WDR47: variants seen among roughly 807,000 people sequenced by gnomAD.
WDR47 encodes WD repeat-containing protein 47.
A neutral mutation model predicts 97.2 loss-of-function variants in WDR47; 32 were observed. That is an observed-to-expected ratio of 0.33 (90% CI 0.25 to 0.44). WDR47 has a LOEUF of 0.44. WDR47 is among the 20% of genes least tolerant of loss of function. WDR47 has a pLI of 1.00. For missense variants in WDR47, 782 were observed against 1,102.3 expected, an observed-to-expected ratio of 0.71 and a Z score of 4.11; for synonymous variants, 375 against 373.5, an observed-to-expected ratio of 1.00 and a Z score of -0.05.
At chr1:109,038,743 G>A (rs974400644) in intron 1 of WDR47, among the ~76,000 whole-genome samples, 10 of 152,108 alleles carry the variant, frequency 6.6e-5, no homozygotes, top group Admixed American at 1.3e-4. Context: ...TTGGGAGGCC[G>A]AACTGGGTGG....
intron 1 of WDR47, among the ~76,000 whole-genome samples, chr1:109,037,857 C>A (rs1293131185): frequency 6.6e-6 from 1 of 151,602 alleles, no homozygotes; most frequent in South Asian, 2.1e-4. Flanking sequence ...TTTTTTCTAT[C>A]TTTCTTTCTT....
chr1:109,025,924 C>T (rs1403195127), intron 1 of WDR47, among the ~76,000 whole-genome samples: 1 of 152,154 alleles, frequency 6.6e-6, no homozygotes, highest in African/African-American at 2.4e-5. Flanking sequence ...AACACACCAG[C>T]TACCCAACTC....
At chr1:108,983,711 C>T (rs1366670289) in intron 10 of WDR47, among the ~76,000 whole-genome samples, 3 of 151,560 alleles carry the variant, frequency 2.0e-5, no homozygotes, top group East Asian at 1.9e-4. Context: ...AAAAAATCTC[C>T]GTTTCTCATA....
chr1:109,002,429 A>G, intron 6 of WDR47, 27 bp from the exon 7 acceptor site: 1 of 1,506,886 alleles, frequency 6.6e-7, no homozygotes, highest in Non-Finnish European at 8.9e-7. Flanking sequence ...AAAAACATAT[A>G]TATTTGAGCA....
intron 4 of WDR47, among the ~76,000 whole-genome samples, chr1:109,012,554 C>G (rs1355533828): frequency 1.1e-5 from 1 of 88,816 alleles, no homozygotes; most frequent in Non-Finnish European, 2.0e-5. Flanking sequence ...GCCTGGGTGA[C>G]AGTGTGAGAC....
chr1:109,009,975 G>A lies in WDR47; in HGVS notation c.1130+941C>T, dbSNP rs376783326. ...ACCGTGCCACTGCACTCCAGCCTGA[G>A]TGACAAAAGCAAAACTCCATCTCAA... On this transcript the variant is annotated intron_variant, in intron 5 of 14. Coordinates refer to ENST00000369962, the MANE Select transcript of WDR47 (RefSeq NM_001142551.2). 5.3e-5 allele frequency among the ~76,000 whole-genome samples: 8 copies of A among 151,580 alleles called. No homozygotes were observed. In the East Asian group the frequency reaches 1.4e-3, roughly 26 times the overall value.
chr1:109,020,450 C>CG (rs1284263056), intron 2 of WDR47, among the ~76,000 whole-genome samples: 2 of 151,724 alleles, frequency 1.3e-5, no homozygotes, highest in African/African-American at 2.4e-5. Context: ...TTAGTAGAGA[C>CG]GGGGGGTTTC....
At chr1:108,991,729 CTA>C (rs1659362217) in intron 8 of WDR47, among the ~76,000 whole-genome samples, 1 of 152,122 alleles carries the variant, frequency 6.6e-6, no homozygotes, top group South Asian at 2.1e-4. Flanking sequence ...CTTAGTAAAA[CTA>C]TGTTTCCTCT....
In WDR47 at chr1:108,983,266, C is replaced by A; in HGVS notation, c.2095+16G>T. On this transcript the variant is annotated intron_variant, in intron 11 of 14. Coordinates refer to ENST00000369962, the MANE Select transcript of WDR47 (RefSeq NM_001142551.2). Reference sequence around the variant, plus strand: ...ACACTGGTAAGCTAGCTACTGCTTACATACTTGGGCCCTACCTGTTGCGTT... The same window carrying A: ...ACACTGGTAAGCTAGCTACTGCTTAAATACTTGGGCCCTACCTGTTGCGTT... 6.3e-7 allele frequency: 1 copy of A among 1,592,554 alleles called. No individual in the cohort carries two copies. The highest frequency in any genetic ancestry group is 8.5e-7 in the Non-Finnish European group (1 of 1,169,708).
Position 109,033,122 on chromosome 1 carries a change from C to T in WDR47, c.-10+8740G>A, listed in dbSNP as rs980818202. On this transcript the variant is annotated intron_variant, in intron 1 of 14. Coordinates refer to ENST00000369962, the MANE Select transcript of WDR47 (RefSeq NM_001142551.2). ...CAGCCTGGCCAAGATGGTGAAACCC[C>T]GTCTCTACTAAAAATACAAAAATTA... is the stretch of plus-strand genomic sequence containing the variant. Among the ~76,000 whole-genome samples the T allele has an allele frequency of 4.2e-4, 64 of 151,454 alleles. 1 individual carries two copies. The highest frequency in any genetic ancestry group is 1.3e-4 in the Non-Finnish European group (9 of 67,882).
intron 5 of WDR47, among the ~76,000 whole-genome samples, chr1:109,006,803 TAA>T (rs961975413): frequency 2.6e-5 from 4 of 152,232 alleles, no homozygotes; most frequent in African/African-American, 9.6e-5. Flanking sequence ...TTCTCCATTT[TAA>T]GTGTCTCTGT....
chr1:109,026,237 G>C (rs913820552), intron 1 of WDR47, among the ~76,000 whole-genome samples: 14 of 151,856 alleles, frequency 9.2e-5, no homozygotes, highest in African/African-American at 3.1e-4. Context: ...TTTTTGTAGA[G>C]ACGGGATCTA....
intron 11 of WDR47, 115 bp downstream of exon 11, chr1:108,983,167 T>G: frequency 9.1e-7 from 1 of 1,094,082 alleles, no homozygotes; most frequent in Non-Finnish European, 1.2e-6. Flanking sequence ...TTGAAAAAAT[T>G]ATTCTTTAAG....
At chr1:109,020,261 G>C (rs1447054461) in intron 2 of WDR47, among the ~76,000 whole-genome samples, 3 of 148,228 alleles carry the variant, frequency 2.0e-5, no homozygotes, top group African/African-American at 5.0e-5. Flanking sequence ...TTTTGAGACA[G>C]AGTCTTGCTC....
intron 4 of WDR47, 31 bp downstream of exon 4, chr1:109,013,810 G>C: frequency 1.2e-6 from 2 of 1,606,680 alleles, no homozygotes; most frequent in East Asian, 4.5e-5. Flanking sequence ...AACAAGACTA[G>C]GGCGCAAACC....
intron 3 of WDR47, among the ~76,000 whole-genome samples, 180 bp downstream of exon 3, chr1:109,017,316 TTGCTTGAGCCCAGGAGACCAAG>T (rs1411728431): frequency 6.6e-6 from 1 of 152,092 alleles, no homozygotes; most frequent in Non-Finnish European, 1.5e-5. Context: ...AGTGGGAGGA[TTGCTTGAGCCCAGGAGACCAAG>T]GCTGCAGTGA....
chr1:109,005,400 G>A (rs1286756684), intron 5 of WDR47, among the ~76,000 whole-genome samples: 2 of 151,924 alleles, frequency 1.3e-5, no homozygotes, highest in African/African-American at 2.4e-5. Context: ...GTGACAAAGT[G>A]AGACCTTGTC....
rs763601016 is a variant in WDR47 at position 109,011,599 on chromosome 1, A to G, written c.447T>C (p.His149=). 2 of 1,614,212 alleles carry G rather than the reference A, an allele frequency of 1.2e-6. No individual in the cohort carries two copies. Among genetic ancestry groups the G allele is most frequent in the Non-Finnish European group, 1.7e-6 (2 of 1,180,054 alleles). Residue 149 remains histidine (H), a synonymous_variant, in exon 5 of 15, where the codon CAT becomes CAC. Coordinates refer to ENST00000369962, the MANE Select transcript of WDR47 (RefSeq NM_001142551.2). ...LLLTLPRLTN[H]AEFKDWNPST... is the part of the protein sequence containing the mutation. ...TGGGATTCCAGTCCTTAAACTCGGC[A>G]TGATTGGTCAGACGAGGCAAAGTCA...
rs995297503 is a variant in WDR47 at position 108,988,001 on chromosome 1, C to T, written c.1768-1321G>A. Among the ~76,000 whole-genome samples, 6 of 150,998 alleles carry T rather than the reference C, an allele frequency of 4.0e-5. No individual in the cohort carries two copies. The East Asian group carries it at 5.8e-4, about 15-fold the overall frequency. ...CTATAATCCCAGCACTTTGTGAGTC[C>T]GAGTTGGGCATATTGCTTGAGCCCA... On this transcript the variant is annotated intron_variant, in intron 9 of 14. Coordinates refer to ENST00000369962, the MANE Select transcript of WDR47 (RefSeq NM_001142551.2).
Sources: allele counts gnomAD v4.1 joint callset (sites outside exome capture counted in the v4.1 genomes callset), GRCh38; gene constraint gnomAD v4.1.1; transcripts MANE v1.5; gene names NCBI Gene and HGNC (gene_info 2026-07-23, HGNC 2026-07-21).